The following MADD variants were observed in gnomAD, a reference collection of about 807,000 sequenced individuals.
MADD encodes MAP kinase-activating death domain protein.
In MADD, 109 loss-of-function variants were observed where a neutral mutation model predicts 176.7. The observed-to-expected ratio is 0.62, with a 90% CI of 0.53 to 0.72. MADD has a LOEUF of 0.72. Among genes scored for constraint, MADD ranks in the 30% least tolerant of loss-of-function variants. The pLI, the probability that MADD is intolerant of heterozygous loss-of-function variation, is 0.00. For synonymous variants in MADD, 771 were observed against 771.3 expected (o/e 1.00, Z 0.01); for missense variants, 1,914 against 2,045.5 (o/e 0.94, Z 1.24).
chr11:47,284,781 T>C (rs750898066), intron 12 of MADD, among the ~76,000 whole-genome samples, 160 bp from the exon 13 acceptor site: 5 of 152,064 alleles, frequency 3.3e-5, no homozygotes, highest in African/African-American at 9.7e-5. Context: ...ATCCCCCTTA[T>C]ATAGTTTGTG....
At chr11:47,292,670 C>T in intron 19 of MADD, 74 bp downstream of exon 21, 1 of 1,472,966 alleles carries the variant, frequency 6.8e-7, no homozygotes, top group Non-Finnish European at 9.5e-7. Context: ...TTGGGGCAGG[C>T]TCCCTTTGTC....
chr11:47,302,379 A>T (rs2078511466), intron 22 of MADD, among the ~76,000 whole-genome samples: 1 of 151,882 alleles, frequency 6.6e-6, no homozygotes, highest in African/African-American at 2.4e-5. Flanking sequence ...ATGCCCAGCT[A>T]ATTTTTGTAT....
At chr11:47,282,903 C>A (rs2057987367) in exon 10 of MADD, 1 of 1,613,938 alleles carries the variant, frequency 6.2e-7, no homozygotes, top group African/African-American at 1.3e-5. Flanking sequence ...GACAGCAATT[C>A]CCAGCTGGCT....
At chr11:47,275,252 A>G (rs1260149628) in intron 3 of MADD, 93 bp downstream of exon 3, 3 of 1,082,548 alleles carry the variant, frequency 2.8e-6, no homozygotes, top group Non-Finnish European at 4.0e-6. Context: ...TCTACAGCTC[A>G]AGGTCCTTCA....
intron 22 of MADD, among the ~76,000 whole-genome samples, chr11:47,308,183 A>G (rs1452642292): frequency 1.3e-5 from 2 of 152,216 alleles, no homozygotes; most frequent in African/African-American, 4.8e-5. Flanking sequence ...CCTTTGACAG[A>G]TAAGGAAAAT....
At chr11:47,304,059 A>G (rs2080367392) in intron 22 of MADD, among the ~76,000 whole-genome samples, 1 of 152,142 alleles carries the variant, frequency 6.6e-6, no homozygotes, top group Non-Finnish European at 1.5e-5. Context: ...TGGAAATCCA[A>G]TAATATGAAT....
chr11:47,325,549 A>G lies in MADD; in HGVS notation c.4542+972A>G, dbSNP rs1433988379. ...CTCTCTTTCAGGAACGTAGCTGGGC[A>G]GCTTTGGTTTAACAGGAAATGGCTG... On this transcript the variant is annotated intron_variant, in intron 30 of 32. Transcript: ENST00000402192. This position sits in a 1 kb window ranked among gnomAD's most constrained non-coding sequence, Gnocchi z 4.5. Among the ~76,000 whole-genome samples, 1 of 152,186 alleles carries G rather than the reference A, an allele frequency of 6.6e-6. No homozygotes were observed.
At chr11:47,289,534 G>C in intron 16 of MADD, 41 bp downstream of exon 17, 1 of 1,548,830 alleles carries the variant, frequency 6.5e-7, no homozygotes, top group South Asian at 1.1e-5. Context: ...CTCAGGCAGA[G>C]GTGGGGTGGT....
At chr11:47,305,379 C>T (rs1401470574) in intron 22 of MADD, among the ~76,000 whole-genome samples, 3 of 152,180 alleles carry the variant, frequency 2.0e-5, no homozygotes, top group East Asian at 3.9e-4. Flanking sequence ...CTGAGGCACC[C>T]GCTAGCAGCT....
intron 23 of MADD, 22 bp from the exon 27 acceptor site, chr11:47,309,259 A>G: frequency 6.2e-7 from 1 of 1,605,746 alleles, no homozygotes; most frequent in Non-Finnish European, 8.5e-7. Flanking sequence ...TAGGCCCCCT[A>G]AGAAACCTTT....
chr11:47,323,536 C>T (rs1398878215), intron 27 of MADD, 135 bp from the exon 31 acceptor site: 1 of 794,576 alleles, frequency 1.3e-6, no homozygotes, highest in Non-Finnish European at 2.0e-6. Flanking sequence ...TGTGTCTTCA[C>T]CTAGGGAAAC....
intron 27 of MADD, among the ~76,000 whole-genome samples, chr11:47,320,554 G>A (rs1398713215): frequency 2.0e-5 from 3 of 152,220 alleles, no homozygotes; most frequent in Non-Finnish European, 4.4e-5. Flanking sequence ...GGGAGGCTGA[G>A]GCAGGAGGAT....
rs569753608 is a variant in MADD, at chr11:47,325,660, A to G, written c.4543-1078A>G. ...CCCAAAGACCTTAGGACCATCCCAG[A>G]GAGGGGTCTACCTAAGTGCTTTTCT... On this transcript the variant is annotated intron_variant, in intron 30 of 32. Coordinates refer to ENST00000402192, the Ensembl canonical transcript of MADD. This position sits in a 1 kb window ranked among gnomAD's most constrained non-coding sequence, Gnocchi z 4.5. Among the ~76,000 whole-genome samples the G allele has an allele frequency of 6.6e-6, 1 of 152,374 alleles. No homozygotes were observed. Among genetic ancestry groups the G allele is most frequent in the South Asian group, 2.1e-4 (1 of 4,824 alleles).
chr11:47,278,344 A>C (rs2052576190), intron 6 of MADD, 66 bp downstream of exon 6: 4 of 1,170,170 alleles, frequency 3.4e-6, no homozygotes, highest in Non-Finnish European at 5.1e-6. Context: ...CAGTCCTGAG[A>C]TATCTGTTTC....
chr11:47,286,862 A>T (rs1427619313), intron 15 of MADD, among the ~76,000 whole-genome samples: 1 of 152,180 alleles, frequency 6.6e-6, no homozygotes, highest in African/African-American at 2.4e-5. Context: ...CACTGCATGA[A>T]CTTAGGGCAA....
chr11:47,290,130 C>T lies in MADD; in HGVS notation c.2944-19C>T. On this transcript the variant is annotated intron_variant, in intron 17 of 32. Coordinates refer to ENST00000402192, the Ensembl canonical transcript of MADD. ...CCACAGGCAATTTGCCAACGCTAGC[C>T]CCTGGGTTATTGTTGCAGGAGATCA... 2 of 1,613,526 alleles carry T rather than the reference C, an allele frequency of 1.2e-6. No homozygotes were observed. The highest frequency in any genetic ancestry group is 1.7e-4 in the Middle Eastern group (1 of 6,060).
intron 6 of MADD, 65 bp downstream of exon 6, chr11:47,278,343 G>T (rs1482987923): frequency 1.7e-5 from 20 of 1,169,718 alleles, no homozygotes; most frequent in Middle Eastern, 1.9e-4. Context: ...CCAGTCCTGA[G>T]ATATCTGTTT....
chr11:47,285,616 A>T (rs778607587), intron 14 of MADD, 26 bp downstream of exon 14: 21 of 1,612,750 alleles, frequency 1.3e-5, no homozygotes, highest in South Asian at 2.2e-5. Flanking sequence ...TGTCTCTCTC[A>T]CTCCTGTGTT....
intron 27 of MADD, among the ~76,000 whole-genome samples, chr11:47,323,271 T>C (rs1418733758): frequency 1.3e-5 from 2 of 150,952 alleles, no homozygotes; most frequent in African/African-American, 2.4e-5. Flanking sequence ...GCCAATGTGA[T>C]GGTGTGCACC....
Sources: allele counts gnomAD v4.1 joint callset (sites outside exome capture counted in the v4.1 genomes callset), GRCh38; gene constraint gnomAD v4.1.1; non-coding constraint Gnocchi (gnomAD v3.1); transcripts MANE v1.5; gene names NCBI Gene and HGNC (gene_info 2026-07-23, HGNC 2026-07-21).